The following KTN1 variants were observed in gnomAD, a reference collection of about 807,000 sequenced individuals.
The protein encoded by KTN1 is kinectin 1.
Under a neutral mutation model 222.5 loss-of-function variants are expected in KTN1, and 130 were observed. The observed-to-expected ratio is 0.58, with a 90% CI of 0.51 to 0.68. The LOEUF (loss-of-function observed/expected upper bound fraction) is 0.68, where lower values mean the gene tolerates loss of function less well. KTN1 is among the 30% of genes least tolerant of loss of function. KTN1 has a pLI of 0.00. For synonymous variants in KTN1, 512 were observed against 496.3 expected (o/e 1.03, Z -0.42); for missense variants, 1,508 against 1,500.4 (o/e 1.01, Z -0.08).
chr14:55,678,201 T>TG (rs1305867272), intron 41 of KTN1, 151 bp from the exon 42 acceptor site: 2 of 573,660 alleles, frequency 3.5e-6, no homozygotes, highest in South Asian at 4.6e-5. Context: ...TATAATCTGG[T>TG]GGGGGGTGAA....
intron 1 of KTN1, among the ~76,000 whole-genome samples, chr14:55,599,013 A>G (rs1326902307): frequency 6.6e-6 from 1 of 152,084 alleles, no homozygotes; most frequent in East Asian, 1.9e-4. Context: ...TCCCTTATGT[A>G]TAATTTTTTG....
chr14:55,616,048 A>G (rs1475051119), intron 2 of KTN1, among the ~76,000 whole-genome samples: 1 of 151,938 alleles, frequency 6.6e-6, no homozygotes, highest in Non-Finnish European at 1.5e-5. Flanking sequence ...AGTAGCTGGA[A>G]CTACAGGTGT....
intron 1 of KTN1, among the ~76,000 whole-genome samples, chr14:55,589,928 A>G (rs951783839): frequency 1.3e-5 from 2 of 152,072 alleles, no homozygotes; most frequent in African/African-American, 4.8e-5. Flanking sequence ...AAGTGCTGGG[A>G]TTACAGGTGT....
At chr14:55,607,607 G>C (rs2036924037) in intron 1 of KTN1, 1 of 152,150 alleles carries the variant, frequency 6.6e-6, no homozygotes. Context: ...ATTGTTCCAT[G>C]GATATTTCTC....
At chr14:55,628,717 T>A (rs2040144711) in intron 6 of KTN1, among the ~76,000 whole-genome samples, 1 of 152,086 alleles carries the variant, frequency 6.6e-6, no homozygotes, top group African/African-American at 2.4e-5. Flanking sequence ...GAATTTGAAG[T>A]AAATAAAAAA....
chr14:55,644,977 C>A (rs778864274), intron 18 of KTN1, among the ~76,000 whole-genome samples: 10 of 152,110 alleles, frequency 6.6e-5, no homozygotes, highest in Non-Finnish European at 1.3e-4. Context: ...TGCTTACCTA[C>A]ATGCTGAGGT....
At chr14:55,598,178 G>C (rs893166584) in intron 1 of KTN1, among the ~76,000 whole-genome samples, 1 of 152,150 alleles carries the variant, frequency 6.6e-6, no homozygotes, top group Non-Finnish European at 1.5e-5. Context: ...GCTCACGCCT[G>C]TAATCCCAGC....
intron 30 of KTN1, among the ~76,000 whole-genome samples, chr14:55,659,214 T>A (rs2043835313): frequency 6.6e-6 from 1 of 152,092 alleles, no homozygotes; most frequent in African/African-American, 2.4e-5. Context: ...AAATACCATA[T>A]ATGAAGGGCT....
chr14:55,621,724 G>C (rs2039159766), intron 5 of KTN1, among the ~76,000 whole-genome samples: 1 of 151,954 alleles, frequency 6.6e-6, no homozygotes, highest in South Asian at 2.1e-4. Context: ...ATTTGGGTGG[G>C]TACACAGCCA....
At chr14:55,597,678 A>AC (rs2035281478) in intron 1 of KTN1, among the ~76,000 whole-genome samples, 1 of 151,968 alleles carries the variant, frequency 6.6e-6, no homozygotes, top group South Asian at 2.1e-4. Context: ...ACATGGTGAA[A>AC]CCCCATCTCT....
At chr14:55,616,279 T>A (rs1229869495) in intron 2 of KTN1, among the ~76,000 whole-genome samples, 1 of 152,054 alleles carries the variant, frequency 6.6e-6, no homozygotes, top group Non-Finnish European at 1.5e-5. Context: ...AGAGACTTGA[T>A]CATGCCTATA....
Position 55,671,673 on chromosome 14 carries a change from A to G in KTN1, c.3438+18A>G. On this transcript the variant is annotated intron_variant, in intron 36 of 43. Coordinates refer to ENST00000395314, the MANE Select transcript of KTN1 (RefSeq NM_001079521.2). ...CAGAAACAGTAGGAAATGATTTTTAATCTACATTTTGATTTTACTTTAAAT... is the reference window on the plus strand; with the variant it reads ...CAGAAACAGTAGGAAATGATTTTTAGTCTACATTTTGATTTTACTTTAAAT... The G allele has an allele frequency of 6.3e-7, 1 of 1,589,786 alleles. No homozygotes were observed. Among genetic ancestry groups the G allele is most frequent in the South Asian group, 1.1e-5 (1 of 89,490 alleles).
Position 55,639,908 on chromosome 14 carries a change from TA to T in KTN1, c.1824-2del. On this transcript the variant is annotated splice_region_variant and splice_polypyrimidine_tract_variant and intron_variant, in intron 13 of 43. Coordinates refer to ENST00000395314, the MANE Select transcript of KTN1 (RefSeq NM_001079521.2). Reference sequence around the variant, plus strand: ...TTGAATGTACAAATGTCTTTCCTTCTAAAGGATTGCAGAAAAGGATAAGCAG... The same window carrying T: ...TTGAATGTACAAATGTCTTTCCTTCTAAGGATTGCAGAAAAGGATAAGCAG... 8 of 1,559,920 alleles carry T rather than the reference TA, an allele frequency of 5.1e-6. No homozygotes were observed. Among genetic ancestry groups the T allele is most frequent in the Non-Finnish European group, 7.1e-6 (8 of 1,133,452 alleles).
intron 31 of KTN1, among the ~76,000 whole-genome samples, chr14:55,660,317 A>G (rs1465047311): frequency 1.3e-5 from 2 of 150,254 alleles, no homozygotes; most frequent in Non-Finnish European, 3.0e-5. Flanking sequence ...AGTTCGCACC[A>G]TTGCACTCCA....
chr14:55,601,214 T>G (rs2035924679), intron 1 of KTN1, among the ~76,000 whole-genome samples: 2 of 152,242 alleles, frequency 1.3e-5, no homozygotes, highest in African/African-American at 4.8e-5. Context: ...TAGCAGTACT[T>G]TAGAATGGAT....
Position 55,630,033 on chromosome 14 carries a change from A to T in KTN1, c.1157A>T (p.Glu386Val). Residue 386 changes from glutamate (E) to valine (V), a missense_variant, in exon 7 of 44, where the codon GAA becomes GTA. Glu to Val is a moderately radical substitution (Grantham distance 121, BLOSUM62 -2). Coordinates refer to ENST00000395314, the MANE Select transcript of KTN1 (RefSeq NM_001079521.2). ...GATCGAATTGGAACATTAGAAAAGG[A>T]ACATAATGTATTTCAAAACAAAATA... Reference protein sequence around the residue: ...MKDRIGTLEKEHNVFQNKIHV... With the variant: ...MKDRIGTLEKVHNVFQNKIHV... The T allele has an allele frequency of 1.2e-6, 2 of 1,601,152 alleles. No homozygotes were observed. Among genetic ancestry groups the T allele is most frequent in the South Asian group, 2.2e-5 (2 of 90,812 alleles).
chr14:55,601,783 T>G (rs567708373), intron 1 of KTN1: 1 of 152,368 alleles, frequency 6.6e-6, no homozygotes, highest in South Asian at 2.1e-4. Context: ...TCACCCAGGC[T>G]GGAGTGCAGT....
chr14:55,671,311 T>C, intron 35 of KTN1: 1 of 441,484 alleles, frequency 2.3e-6, no homozygotes, highest in Non-Finnish European at 4.0e-6. Context: ...ACTTCACATG[T>C]GGGTCTGCTT....
At chr14:55,589,880 A>G (rs2033799294) in intron 1 of KTN1, among the ~76,000 whole-genome samples, 1 of 151,726 alleles carries the variant, frequency 6.6e-6, no homozygotes, top group Admixed American at 6.6e-5. Context: ...GATGGTCTCG[A>G]TCTCTTGACC....
Sources: allele counts gnomAD v4.1 joint callset (sites outside exome capture counted in the v4.1 genomes callset), GRCh38; gene constraint gnomAD v4.1.1; transcripts MANE v1.5; gene names NCBI Gene and HGNC (gene_info 2026-07-23, HGNC 2026-07-21).